Variants in BICRAL observed in about 807,000 individuals in gnomAD.
BICRAL encodes BRD4-interacting chromatin-remodeling complex-associated protein-like.
BICRAL carries 8 observed loss-of-function variants against 91.8 expected under a neutral mutation model. The ratio of observed to expected loss-of-function variants is 0.09; its 90% CI spans 0.05 to 0.16. The LOEUF is 0.16. Among genes scored for constraint, BICRAL ranks in the 10% least tolerant of loss-of-function variants. The probability of loss-of-function intolerance (pLI) is 1.00; values close to 1 mark genes in which losing one functional copy is unlikely to be tolerated. For missense variants in BICRAL, 1,038 were observed against 1,310.9 expected (o/e 0.79, Z 3.21); for synonymous variants, 445 against 491.1 (o/e 0.91, Z 1.24).
At chr6:42,781,916 G>C (rs1762920045), upstream of BICRAL, 1 of 264 alleles carries the variant, frequency 3.8e-3, no homozygotes, top group African/African-American at 0.05. Context: ...GGGCGGGCGC[G>C]GGGAGCGGCG....
At chr6:42,747,795 G>GTTTTT (rs1343500976) in intron 1 of BICRAL, among the ~76,000 whole-genome samples, 6 of 141,086 alleles carry the variant, frequency 4.3e-5, no homozygotes, top group Non-Finnish European at 4.6e-5. Context: ...TTGCTTTTTT[G>GTTTTT]TTTTATTTTG....
At chr6:42,860,658 G>A (rs943533244) in intron 11 of BICRAL, among the ~76,000 whole-genome samples, 3 of 152,202 alleles carry the variant, frequency 2.0e-5, no homozygotes, top group South Asian at 2.1e-4. Flanking sequence ...GCTCGGATAC[G>A]AGCCAGGATC....
intron 1 of BICRAL, among the ~76,000 whole-genome samples, chr6:42,809,143 CTGTTCTCAT>C (rs1763788188): frequency 6.6e-6 from 1 of 151,270 alleles, no homozygotes; most frequent in African/African-American, 2.4e-5. Context: ...GTTCCCCTCC[CTGTTCTCAT>C]TGTTCAACTA....
At chr6:42,838,300 G>A (rs983621075) in intron 6 of BICRAL, among the ~76,000 whole-genome samples, 1 of 152,192 alleles carries the variant, frequency 6.6e-6, no homozygotes, top group African/African-American at 2.4e-5. Context: ...GCACTGATCA[G>A]TTGTCTTCTA....
intron 1 of BICRAL, among the ~76,000 whole-genome samples, chr6:42,761,903 CAAA>C (rs1190062431): frequency 7.5e-6 from 1 of 132,998 alleles, no homozygotes. Flanking sequence ...GACCTTGTCT[CAAA>C]AAAAAAAAAG....
At chr6:42,780,392 G>C (rs941815905), upstream of BICRAL, among the ~76,000 whole-genome samples, 1 of 152,014 alleles carries the variant, frequency 6.6e-6, no homozygotes, top group African/African-American at 2.4e-5. Flanking sequence ...TTTTAATCTA[G>C]AGAGAGTTTT....
chr6:42,788,281 G>A lies in BICRAL; in HGVS notation c.-102+6180G>A, dbSNP rs1192160698. ...CTCTTGTTGCCCAGGCTGGAGTGCA[G>A]TGGCGCAATCTCAGCTCACTGCAAC... On this transcript the variant is annotated intron_variant, in intron 1 of 12. Coordinates refer to ENST00000314073, the MANE Select transcript of BICRAL (RefSeq NM_001393499.1). Among the ~76,000 whole-genome samples the A allele has an allele frequency of 2.1e-5, 3 of 141,012 alleles. No individual in the cohort carries two copies. The East Asian group carries it at 6.3e-4, about 29-fold the overall frequency. The allele number at this position is 141,012 out of a possible 152,430, so 92.5% of individuals were successfully genotyped here.
chr6:42,758,156 T>C (rs1762489614), intron 1 of BICRAL, among the ~76,000 whole-genome samples: 2 of 152,152 alleles, frequency 1.3e-5, no homozygotes, highest in African/African-American at 4.8e-5. Context: ...TTTGGCTCCT[T>C]CCTCATCTTC....
At chr6:42,826,793 G>GTT (rs11422654) in intron 5 of BICRAL, among the ~76,000 whole-genome samples, 35 of 146,350 alleles carry the variant, frequency 2.4e-4, no homozygotes, top group South Asian at 1.3e-3. Flanking sequence ...TTGTTTGTTT[G>GTT]TTTTTTTTTT....
chr6:42,865,216 A>C lies in BICRAL; in HGVS notation c.3010A>C (p.Thr1004Pro). ...SGEPQPDLQL[T>P]KSLETTFKNI... is the part of the protein sequence containing the mutation. The stretch of plus-strand genomic sequence containing the variant: ...CGAACCCCAGCCAGATCTCCAGCTG[A>C]CAAAGAGCTTGGAAACCACATTTAA... The change falls in exon 13 of 13, where the codon ACA becomes CCA. Residue 1004 changes from threonine (T) to proline (P), a missense_variant. Physicochemically the swap from Thr to Pro is conservative, Grantham distance 38. Coordinates refer to ENST00000314073, the MANE Select transcript of BICRAL (RefSeq NM_001393499.1). The C allele has an allele frequency of 6.2e-7, 1 of 1,614,152 alleles. No homozygotes were observed.
intron 1 of BICRAL, among the ~76,000 whole-genome samples, chr6:42,755,671 C>A (rs1216828561): frequency 1.4e-5 from 2 of 140,648 alleles, no homozygotes; most frequent in Admixed American, 1.4e-4. Flanking sequence ...TCACCTCTTT[C>A]TTTTTTTTTT....
chr6:42,827,447 A>G (rs781515827), intron 5 of BICRAL, among the ~76,000 whole-genome samples: 10 of 152,228 alleles, frequency 6.6e-5, no homozygotes, highest in Non-Finnish European at 7.3e-5. Context: ...TACTTGGCCT[A>G]TCCCTCAACA....
intron 5 of BICRAL, among the ~76,000 whole-genome samples, chr6:42,826,408 T>C (rs1764304758): frequency 6.6e-6 from 1 of 151,848 alleles, no homozygotes. Flanking sequence ...CTAATTTTTG[T>C]ATTTTTAGTA....
intron 1 of BICRAL, among the ~76,000 whole-genome samples, chr6:42,782,747 G>C (rs1180471743): frequency 6.6e-6 from 1 of 151,872 alleles, no homozygotes; most frequent in African/African-American, 2.4e-5. Flanking sequence ...CCCCGGAGCC[G>C]CCGGGAGCCG....
rs140950252 is a variant in BICRAL, at chr6:42,853,193, G to A, written c.1946-445G>A. Among the ~76,000 whole-genome samples the A allele has an allele frequency of 4.6e-5, 7 of 150,870 alleles. No homozygotes were observed. In the East Asian group the frequency reaches 5.8e-4, roughly 13 times the overall value. ...GAAAATATTATGGACTATGTCTTCC[G>A]TTTTTTCTAAGGCTTTGAACATCTG... On this transcript the variant is annotated intron_variant, in intron 7 of 12. Coordinates refer to ENST00000314073, the MANE Select transcript of BICRAL (RefSeq NM_001393499.1).
intron 1 of BICRAL, among the ~76,000 whole-genome samples, chr6:42,756,883 G>T (rs1238939866): frequency 6.8e-6 from 1 of 146,494 alleles, no homozygotes; most frequent in Non-Finnish European, 1.5e-5. Flanking sequence ...TCTCGCGCGC[G>T]CGCTCTCTCT....
chr6:42,770,723 T>C (rs922309085), intron 1 of BICRAL, among the ~76,000 whole-genome samples: 2 of 148,630 alleles, frequency 1.3e-5, no homozygotes, highest in African/African-American at 2.5e-5. Context: ...GTCAGTGTTT[T>C]TGTTTTTTTC....
At chr6:42,850,656 C>T (rs1035779097) in intron 6 of BICRAL, among the ~76,000 whole-genome samples, 2 of 151,818 alleles carry the variant, frequency 1.3e-5, no homozygotes, top group East Asian at 1.9e-4. Flanking sequence ...GAGGCTGAGG[C>T]GGGCGGATAA....
At chr6:42,814,522 T>A (rs1199041629) in intron 2 of BICRAL, among the ~76,000 whole-genome samples, 3,652 of 58,292 alleles carry the variant, frequency 0.063, 120 homozygotes, top group African/African-American at 0.16. Flanking sequence ...TATATATATT[T>A]TTTTTTTTTT....
Sources: gnomAD v4.1 joint callset for allele counts (sites outside exome capture counted in the v4.1 genomes callset) on GRCh38, gnomAD v4.1.1 for gene constraint, MANE v1.5 for transcripts, NCBI Gene and HGNC (gene_info 2026-07-23, HGNC 2026-07-21) for gene names.